Variants in ATRX observed in about 807,000 individuals in gnomAD.
The protein encoded by ATRX is ATRX chromatin remodeler.
A neutral mutation model predicts 172.6 loss-of-function variants in ATRX; 12 were observed. That is an observed-to-expected ratio of 0.07 (90% CI 0.04 to 0.11). The LOEUF is 0.11. Among genes scored for constraint, ATRX ranks in the 10% least tolerant of loss-of-function variants. ATRX has a pLI of 1.00. For synonymous variants in ATRX, 674 were observed against 594.7 expected, an observed-to-expected ratio of 1.13 and a Z score of -1.94; for missense variants, 1,368 against 1,767.4, an observed-to-expected ratio of 0.77 and a Z score of 4.05.
intron 5 of ATRX, among the ~76,000 whole-genome samples, chrX:77,695,071 A>T (rs2148673436): frequency 9.1e-6 from 1 of 109,405 alleles, no homozygotes; most frequent in Admixed American, 9.8e-5. Context: ...CAAAAAAAAA[A>T]AAAAACTGAA....
chrX:77,772,410 T>C (rs945210570), intron 1 of ATRX, among the ~76,000 whole-genome samples: 2 of 105,776 alleles, frequency 1.9e-5, no homozygotes, highest in Non-Finnish European at 3.9e-5. Flanking sequence ...AGCAGAAGGA[T>C]TGCTTGAGGC....
At position 77,508,232 on chromosome X, in the gene ATRX, G is replaced by T; in HGVS notation, c.*119C>A. 1.2e-6 allele frequency: 1 copy of T among 860,674 alleles called. No homozygotes were observed. Among genetic ancestry groups the T allele is most frequent in the Non-Finnish European group, 1.6e-6 (1 of 611,957 alleles). 70.9% of individuals were successfully genotyped at this position (860,674 alleles called of 1,213,427 possible). A position where few individuals can be genotyped will look rare whatever the true frequency, so the allele number is the denominator to read the frequency against. On this transcript the variant is annotated 3_prime_UTR_variant, in exon 35 of 35. Coordinates refer to ENST00000373344, the MANE Select transcript of ATRX (RefSeq NM_000489.6). ...AAAAAAAAGTAAAACTAATATGGAA[G>T]ATTGGCATTTAAGGGGACCAAACTA...
chrX:77,576,595 A>G (rs1355997056), intron 27 of ATRX, among the ~76,000 whole-genome samples: 2 of 111,637 alleles, frequency 1.8e-5, no homozygotes, highest in East Asian at 5.6e-4. Context: ...CAGTTCAACA[A>G]GTATTTACTA....
chrX:77,639,849 A>C (rs1557110253), intron 15 of ATRX, among the ~76,000 whole-genome samples: 1 of 112,396 alleles, frequency 8.9e-6, no homozygotes, highest in Non-Finnish European at 1.9e-5. Context: ...CCAAAGGAAA[A>C]TAAATAATTC....
chrX:77,726,978 T>A (rs2074072913), intron 1 of ATRX, among the ~76,000 whole-genome samples: 1 of 111,316 alleles, frequency 9.0e-6, no homozygotes, highest in African/African-American at 3.3e-5. Context: ...AGAACTTAAA[T>A]TTATAAGAAA....
intron 1 of ATRX, among the ~76,000 whole-genome samples, chrX:77,731,633 C>A (rs973575353): frequency 3.6e-5 from 4 of 111,614 alleles, no homozygotes; most frequent in Non-Finnish European, 7.5e-5. Flanking sequence ...GCCCCGCCCC[C>A]ATCCTGTGCT....
intron 1 of ATRX, among the ~76,000 whole-genome samples, chrX:77,762,304 CAAAAAAAAAAAA>C (rs782237740): frequency 0.013 from 303 of 23,395 alleles, 6 homozygotes; most frequent in Non-Finnish European, 0.013. Flanking sequence ...GACTCTGTCT[CAAAAAAAAAAAA>C]AAAAAAAAAA....
At chrX:77,561,868 A>G (rs1557062179) in intron 28 of ATRX, among the ~76,000 whole-genome samples, 1 of 111,810 alleles carries the variant, frequency 8.9e-6, no homozygotes, top group Admixed American at 9.5e-5. Flanking sequence ...GAACTCAAGT[A>G]CAGAGCTCAT....
At chrX:77,604,774 C>T (rs1366560741) in intron 22 of ATRX, among the ~76,000 whole-genome samples, 1 of 111,997 alleles carries the variant, frequency 8.9e-6, no homozygotes, top group South Asian at 3.7e-4. Flanking sequence ...AAAAGATGAA[C>T]AAAGAACACG....
intron 19 of ATRX, among the ~76,000 whole-genome samples, chrX:77,625,537 C>T (rs2067793172): frequency 8.9e-6 from 1 of 112,293 alleles, no homozygotes; most frequent in South Asian, 3.7e-4. Context: ...TGAACTCAAA[C>T]AAATCAGTAA....
At chrX:77,703,795 A>AG (rs1262836527) in intron 2 of ATRX, among the ~76,000 whole-genome samples, 2 of 112,004 alleles carry the variant, frequency 1.8e-5, no homozygotes, top group Non-Finnish European at 3.8e-5. Flanking sequence ...ATTGAGCAAT[A>AG]GAACAGCTCA....
chrX:77,652,497 TAAA>T, intron 14 of ATRX, 144 bp from the exon 15 acceptor site: 5 of 385,990 alleles, frequency 1.3e-5, no homozygotes, highest in East Asian at 6.5e-5. Context: ...AGAGTAGTAT[TAAA>T]AAAAAAAAAA....
intron 6 of ATRX, 62 bp downstream of exon 6, chrX:77,693,762 G>A (rs782465264): frequency 1.4e-5 from 13 of 945,945 alleles, no homozygotes; most frequent in African/African-American, 5.8e-5. Flanking sequence ...AAGCACATCC[G>A]ATTTTCCAAT....
chrX:77,743,522 C>T (rs2074957134), intron 1 of ATRX, among the ~76,000 whole-genome samples: 1 of 110,856 alleles, frequency 9.0e-6, no homozygotes, highest in Non-Finnish European at 1.9e-5. Context: ...ACCTGAAACA[C>T]TCTGAAACAC....
At chrX:77,538,479 T>C (rs139542210) in intron 30 of ATRX, among the ~76,000 whole-genome samples, 6,490 of 109,628 alleles carry the variant, frequency 0.059, 298 homozygotes, top group East Asian at 0.38. Context: ...GGTGGGAGGG[T>C]AGGAGGGAGA....
chrX:77,607,430 G>A (rs2066953733), intron 22 of ATRX, among the ~76,000 whole-genome samples: 1 of 111,425 alleles, frequency 9.0e-6, no homozygotes, highest in Admixed American at 9.5e-5. Context: ...TTTAAGAAGC[G>A]AGGCAGGGCA....
chrX:77,647,081 T>C (rs1557114183), intron 15 of ATRX, among the ~76,000 whole-genome samples: 3 of 111,568 alleles, frequency 2.7e-5, no homozygotes. Flanking sequence ...TGAAGTATCT[T>C]TTCCAGTCAC....
intron 34 of ATRX, 151 bp from the exon 35 acceptor site, chrX:77,508,780 A>G: frequency 1.6e-6 from 1 of 618,699 alleles, no homozygotes; most frequent in East Asian, 3.3e-5. Context: ...TGGCATTCAC[A>G]GGACCATTAC....
chrX:77,753,101 C>CT, intron 1 of ATRX, among the ~76,000 whole-genome samples: 1 of 111,120 alleles, frequency 9.0e-6, no homozygotes, highest in Middle Eastern at 4.6e-3. Context: ...TGCTCCTGGG[C>CT]TTTTTTTGGT....
Sources: allele counts gnomAD v4.1 joint callset (sites outside exome capture counted in the v4.1 genomes callset), GRCh38; gene constraint gnomAD v4.1.1; transcripts MANE v1.5; gene names NCBI Gene and HGNC (gene_info 2026-07-23, HGNC 2026-07-21).